The following ANXA13 variants were observed in gnomAD, a reference collection of about 807,000 sequenced individuals.
ANXA13 encodes annexin A13.
A neutral mutation model predicts 46.6 loss-of-function variants in ANXA13; 36 were observed. The observed-to-expected ratio is 0.77, with a 90% CI of 0.59 to 1.02. The LOEUF (loss-of-function observed/expected upper bound fraction) is 1.02. Ranked by LOEUF, ANXA13 falls within the 50% of genes least tolerant of loss-of-function variation. The probability of loss-of-function intolerance (pLI) is 0.00; values close to 1 mark genes in which losing one functional copy is unlikely to be tolerated. For missense variants in ANXA13, 417 were observed against 396.5 expected, an observed-to-expected ratio of 1.05 and a Z score of -0.44; for synonymous variants, 163 against 152.9, an observed-to-expected ratio of 1.07 and a Z score of -0.49.
chr8:123,708,225 T>G (rs1226908305), intron 2 of ANXA13, among the ~76,000 whole-genome samples: 1 of 152,238 alleles, frequency 6.6e-6, no homozygotes, highest in African/African-American at 2.4e-5. Flanking sequence ...CACTGGACAC[T>G]GTAATTTCAC....
chr8:123,689,708 A>G (rs1281845544), intron 8 of ANXA13, among the ~76,000 whole-genome samples: 2 of 152,184 alleles, frequency 1.3e-5, no homozygotes, highest in Non-Finnish European at 2.9e-5. Context: ...TAACACAAAT[A>G]CTGCCCGGGC....
chr8:123,703,448 T>C (rs938119282), intron 2 of ANXA13, among the ~76,000 whole-genome samples: 9 of 152,162 alleles, frequency 5.9e-5, no homozygotes, highest in African/African-American at 2.2e-4. Flanking sequence ...CATCTGTGAG[T>C]ATAATAAAAA....
rs140275484 is a variant in ANXA13 at position 123,695,103 on chromosome 8, G to A, written c.471+399C>T. Among the ~76,000 whole-genome samples the A allele has an allele frequency of 7.7e-4, 117 of 152,198 alleles. 1 individual carries two copies. In the Middle Eastern group the frequency reaches 0.041, roughly 53 times the overall value. On this transcript the variant is annotated intron_variant, in intron 6 of 10. Coordinates refer to ENST00000419625, the MANE Select transcript of ANXA13 (RefSeq NM_004306.4). ...AGTGAATCCTGGAAGTAATTGTAGA[G>A]TTGTGTTGTGGAAGCGGCCCTGCTT...
intron 9 of ANXA13, 71 bp from the exon 10 acceptor site, chr8:123,684,793 A>C: frequency 8.9e-7 from 1 of 1,129,366 alleles, no homozygotes; most frequent in East Asian, 2.4e-5. Context: ...ACCCCCCTAA[A>C]TGTCACCTGG....
chr8:123,681,427 T>TTGTGAA, intron 10 of ANXA13, 68 bp from the exon 11 acceptor site: 2 of 1,491,532 alleles, frequency 1.3e-6, no homozygotes, highest in Non-Finnish European at 1.8e-6. Context: ...TGGGCACTGT[T>TTGTGAA]CTACACATGT....
chr8:123,715,785 G>T (rs540605529), intron 1 of ANXA13, among the ~76,000 whole-genome samples: 4 of 152,288 alleles, frequency 2.6e-5, no homozygotes, highest in South Asian at 4.1e-4. Context: ...GCCAGGCAGC[G>T]GTTGAGTGGG....
At chr8:123,704,159 T>A (rs959395595) in intron 2 of ANXA13, among the ~76,000 whole-genome samples, 1 of 152,142 alleles carries the variant, frequency 6.6e-6, no homozygotes, top group African/African-American at 2.4e-5. Flanking sequence ...ACCACGCGCC[T>A]GGCACTGCCT....
intron 1 of ANXA13, chr8:123,735,901 A>G: frequency 6.3e-7 from 1 of 1,577,796 alleles, no homozygotes; most frequent in South Asian, 1.2e-5. Flanking sequence ...AAAAATACAT[A>G]AAAATGCTGG....
chr8:123,683,940 T>C (rs1813090031), intron 10 of ANXA13, among the ~76,000 whole-genome samples: 1 of 152,210 alleles, frequency 6.6e-6, no homozygotes, highest in African/African-American at 2.4e-5. Flanking sequence ...CTCCCTTTTC[T>C]TTCTTATACA....
At chr8:123,704,974 A>G (rs1180459575) in intron 2 of ANXA13, among the ~76,000 whole-genome samples, 1 of 152,178 alleles carries the variant, frequency 6.6e-6, no homozygotes, top group Non-Finnish European at 1.5e-5. Context: ...CCTGTAGTCA[A>G]CTTCCCACGG....
At chr8:123,721,827 A>G (rs1037316533) in intron 1 of ANXA13, among the ~76,000 whole-genome samples, 1 of 152,148 alleles carries the variant, frequency 6.6e-6, no homozygotes, top group African/African-American at 2.4e-5. Flanking sequence ...AATTCTCCCA[A>G]CAACCCTATG....
chr8:123,718,976 A>G (rs908023242), intron 1 of ANXA13, among the ~76,000 whole-genome samples: 3 of 152,220 alleles, frequency 2.0e-5, no homozygotes, highest in African/African-American at 4.8e-5. Flanking sequence ...TCCCAGTCCA[A>G]TTCAAGGAAG....
chr8:123,729,667 G>A (rs1035102194), intron 1 of ANXA13, among the ~76,000 whole-genome samples: 3 of 152,140 alleles, frequency 2.0e-5, no homozygotes, highest in Non-Finnish European at 4.4e-5. Flanking sequence ...TCCAGAGTAT[G>A]TCTGACAGAA....
intron 3 of ANXA13, among the ~76,000 whole-genome samples, chr8:123,702,243 A>T (rs1813458485): frequency 9.1e-6 from 1 of 110,210 alleles, no homozygotes; most frequent in South Asian, 3.4e-4. Flanking sequence ...TTGATAGCTT[A>T]ATAAAATGGA....
intron 4 of ANXA13, among the ~76,000 whole-genome samples, chr8:123,696,619 G>T (rs1813344114): frequency 6.6e-6 from 1 of 152,134 alleles, no homozygotes; most frequent in Admixed American, 6.5e-5. Flanking sequence ...GGAGAAGGTG[G>T]TGATGGGGAG....
At position 123,714,435 on chromosome 8, in the gene ANXA13, C is replaced by A. The variant is rs545327325; in HGVS notation, c.16-1682G>T. Among the ~76,000 whole-genome samples the A allele has an allele frequency of 5.9e-5, 9 of 152,306 alleles. No individual in the cohort carries two copies. In the South Asian group the frequency reaches 1.9e-3, roughly 32 times the overall value. Reference sequence around the variant, plus strand: ...GTGCGTGAGTCTAGGGCTCTTAGTGCCCATTTTGTCCACTACATAAAGGGA... The same window carrying A: ...GTGCGTGAGTCTAGGGCTCTTAGTGACCATTTTGTCCACTACATAAAGGGA... On this transcript the variant is annotated intron_variant, in intron 1 of 10. Transcript: ENST00000419625.
chr8:123,721,627 A>T (rs1365097164), intron 1 of ANXA13, among the ~76,000 whole-genome samples: 1 of 152,232 alleles, frequency 6.6e-6, no homozygotes, highest in Non-Finnish European at 1.5e-5. Flanking sequence ...AGGAAGCTCA[A>T]AATGACTGTT....
Position 123,712,753 on chromosome 8 carries a change from C to G in ANXA13, c.16G>C (p.Ala6Pro). 1 of 1,614,044 alleles carries G rather than the reference C, an allele frequency of 6.2e-7. No homozygotes were observed. Among genetic ancestry groups the G allele is most frequent in the Non-Finnish European group, 8.5e-7 (1 of 1,179,926 alleles). Reference sequence around the variant, plus strand: ...AAACCCTGAGGACTGCTCGCTTTAGCCTGGAGAAAATAATTGAAAAGGTGA... The same window carrying G: ...AAACCCTGAGGACTGCTCGCTTTAGGCTGGAGAAAATAATTGAAAAGGTGA... MGNRH[A>P]KASSPQGFDV... The change falls in exon 2 of 11, where the codon GCT becomes CCT. Residue 6 changes from alanine to proline, a missense_variant and splice_region_variant. Transcript: ENST00000419625.
rs1043360013 is a variant in ANXA13 at position 123,690,410 on chromosome 8, T to G, written c.643-1464A>C. Among the ~76,000 whole-genome samples, 1 of 152,206 alleles carries G rather than the reference T, an allele frequency of 6.6e-6. No homozygotes were observed. Among genetic ancestry groups the G allele is most frequent in the South Asian group, 2.1e-4 (1 of 4,832 alleles). On this transcript the variant is annotated intron_variant, in intron 8 of 10. Coordinates refer to ENST00000419625, the MANE Select transcript of ANXA13 (RefSeq NM_004306.4). The surrounding 1 kb of genome is among the most constrained non-coding windows in gnomAD (Gnocchi z 4.6). ...TGCCATTGGCATCTATACCATGTTTTTGCCCGCTCAGGTTTTTTCCTTGCA... is the reference window on the plus strand; with the variant it reads ...TGCCATTGGCATCTATACCATGTTTGTGCCCGCTCAGGTTTTTTCCTTGCA...
Sources: allele counts gnomAD v4.1 joint callset (sites outside exome capture counted in the v4.1 genomes callset), GRCh38; gene constraint gnomAD v4.1.1; non-coding constraint Gnocchi (gnomAD v3.1); transcripts MANE v1.5; gene names NCBI Gene and HGNC (gene_info 2026-07-23, HGNC 2026-07-21).